The following EML1 variants were observed in gnomAD, a reference collection of about 807,000 sequenced individuals.
EML1 encodes EMAP like 1, also known as echinoderm microtubule-associated protein-like 1.
Under a neutral mutation model 110.4 loss-of-function variants are expected in EML1, and 27 were observed. The ratio of observed to expected loss-of-function variants is 0.24; its 90% CI spans 0.18 to 0.34. EML1 has a LOEUF of 0.34. Ranked by LOEUF, EML1 falls within the 10% of genes least tolerant of loss-of-function variation. The pLI, the probability that EML1 is intolerant of heterozygous loss-of-function variation, is 1.00. For synonymous variants in EML1, 344 were observed against 385.8 expected (o/e 0.89, Z 1.27); for missense variants, 741 against 1,030.9 (o/e 0.72, Z 3.85).
At chr14:99,876,805 T>G (rs191147799) in intron 3 of EML1, among the ~76,000 whole-genome samples, 70 of 152,324 alleles carry the variant, frequency 4.6e-4, no homozygotes, top group African/African-American at 1.7e-3. Context: ...GGTGCTGCAT[T>G]AAAGCAGTTT....
At chr14:99,801,710 C>T (rs1200688227) in intron 1 of EML1, among the ~76,000 whole-genome samples, 3 of 152,148 alleles carry the variant, frequency 2.0e-5, no homozygotes, top group Non-Finnish European at 4.4e-5. Flanking sequence ...GCACCCCAAA[C>T]GTCTCATCAT....
intron 2 of EML1, among the ~76,000 whole-genome samples, chr14:99,860,119 T>C (rs1290217283): frequency 1.3e-5 from 2 of 152,132 alleles, no homozygotes; most frequent in Non-Finnish European, 2.9e-5. Context: ...CCTGGGCACC[T>C]CTTACCCCCA....
chr14:99,777,117 A>T (rs555534599), intron 1 of EML1, among the ~76,000 whole-genome samples: 1 of 152,344 alleles, frequency 6.6e-6, no homozygotes, highest in African/African-American at 2.4e-5. Flanking sequence ...CTCACAGCAA[A>T]TGTTTGTAGA....
intron 1 of EML1, among the ~76,000 whole-genome samples, chr14:99,832,013 C>T (rs750890430): frequency 5.3e-5 from 8 of 151,970 alleles, no homozygotes; most frequent in South Asian, 2.1e-4. Flanking sequence ...GTTCATTGCC[C>T]CTAAAGTTTC....
At chr14:99,909,312 T>A (rs755395426) in intron 10 of EML1, 33 bp from the exon 11 acceptor site, 1 of 1,614,120 alleles carries the variant, frequency 6.2e-7, no homozygotes, top group African/African-American at 1.3e-5. Context: ...TCTTAAGAGA[T>A]GTGAGGCATC....
At chr14:99,744,683 C>A (rs2146237) in intron 1 of EML1, among the ~76,000 whole-genome samples, 1 of 152,226 alleles carries the variant, frequency 6.6e-6, no homozygotes, top group Admixed American at 6.5e-5. Flanking sequence ...AGGGGCAAGA[C>A]TTTTCAAAAC....
At chr14:99,880,167 T>C (rs887342438) in intron 4 of EML1, among the ~76,000 whole-genome samples, 1 of 152,172 alleles carries the variant, frequency 6.6e-6, no homozygotes, top group Non-Finnish European at 1.5e-5. Context: ...TTCTTTGTCT[T>C]GTTAGAACCC....
chr14:99,795,525 A>G (rs1335659756), intron 1 of EML1, among the ~76,000 whole-genome samples: 2 of 152,206 alleles, frequency 1.3e-5, no homozygotes, highest in African/African-American at 4.8e-5. Flanking sequence ...GCAGAAGTCA[A>G]TGTTAACTGG....
At chr14:99,774,687 C>A (rs1208158156) in intron 1 of EML1, among the ~76,000 whole-genome samples, 1 of 152,208 alleles carries the variant, frequency 6.6e-6, no homozygotes, top group East Asian at 1.9e-4. Flanking sequence ...TGGGCGGATG[C>A]CCTGCCTGCT....
chr14:99,848,924 C>G lies in EML1; in HGVS notation c.68-1929C>G, dbSNP rs1220150543. On this transcript the variant is annotated intron_variant, in intron 1 of 21. Coordinates refer to ENST00000262233, the MANE Select transcript of EML1 (RefSeq NM_004434.3). ...GCTGCAGTGAGCTGTGATCACACCA[C>G]TGTACTGCAGCCTGGGCAACGGAGT... 2.0e-5 allele frequency among the ~76,000 whole-genome samples: 3 copies of G among 149,512 alleles called. No individual in the cohort carries two copies. The Admixed American group carries it at 2.0e-4, about 10-fold the overall frequency.
chr14:99,851,639 G>A (rs138343453), intron 2 of EML1, among the ~76,000 whole-genome samples: 1 of 152,312 alleles, frequency 6.6e-6, no homozygotes, highest in East Asian at 1.9e-4. Flanking sequence ...TCTCTGGGAT[G>A]GAGAGAGCTT....
In EML1 at chr14:99,793,519, T is replaced by A. The variant is rs1408837859; in HGVS notation, c.43T>A (p.Ser15Thr). The A allele has an allele frequency of 9.6e-7, 1 of 1,039,234 alleles. No individual in the cohort carries two copies. The highest frequency in any genetic ancestry group is 4.1e-5 in the South Asian group (1 of 24,362). The allele number at this position is 1,039,234 out of a possible 1,614,324, so 64.4% of individuals were successfully genotyped here. A position where few individuals can be genotyped will look rare whatever the true frequency, so the allele number is the denominator to read the frequency against. ...FSSYSSLYDT[S>T]SLLQFCNDDS... is the part of the protein sequence containing the mutation. ...CAGCTACAGCAGCCTGTACGACACG[T>A]CCTCGCTGCTCCAGTTCTGCAACGG... Residue 15 changes from serine (S) to threonine (T), a missense_variant, in exon 1 of 22, where the codon TCC (serine) becomes ACC (threonine). By Grantham distance (58) the Ser-to-Thr change is moderately conservative. Around this residue, in one of 4 missense-constraint regions of EML1, gnomAD observed 226 missense variants for 255.6 expected, o/e 0.88. Coordinates refer to ENST00000262233, the MANE Select transcript of EML1 (RefSeq NM_004434.3).
At chr14:99,927,272 C>T (rs2060251759) in intron 17 of EML1, among the ~76,000 whole-genome samples, 1 of 152,222 alleles carries the variant, frequency 6.6e-6, no homozygotes, top group Admixed American at 6.5e-5. Flanking sequence ...CTCTCTCCCT[C>T]TATTACAGTA....
chr14:99,930,217 T>C (rs766751357), intron 17 of EML1, among the ~76,000 whole-genome samples: 1 of 152,220 alleles, frequency 6.6e-6, no homozygotes, highest in Non-Finnish European at 1.5e-5. Flanking sequence ...AACTGGACAG[T>C]CGAAACTTTA....
chr14:99,783,787 A>T (rs2057569267), intron 1 of EML1, among the ~76,000 whole-genome samples: 1 of 152,214 alleles, frequency 6.6e-6, no homozygotes, highest in Non-Finnish European at 1.5e-5. Flanking sequence ...CTGGCCCCAA[A>T]GGGGTACTAT....
chr14:99,768,773 A>G (rs1023433000), upstream of EML1, among the ~76,000 whole-genome samples: 2 of 148,800 alleles, frequency 1.3e-5, no homozygotes, highest in Admixed American at 1.4e-4. Context: ...GCTGGAGGGC[A>G]GTGGCACAAT....
At chr14:99,782,678 A>T (rs1415966258) in intron 1 of EML1, among the ~76,000 whole-genome samples, 1 of 152,160 alleles carries the variant, frequency 6.6e-6, no homozygotes, top group Non-Finnish European at 1.5e-5. Flanking sequence ...GTATAGCTGG[A>T]GTCCTGGGAC....
intron 17 of EML1, among the ~76,000 whole-genome samples, chr14:99,929,967 G>A (rs1177094999): frequency 6.6e-6 from 1 of 152,152 alleles, no homozygotes. Context: ...CTTTATAGGT[G>A]GAGCTGGCCC....
Position 99,936,221 on chromosome 14 carries a change from A to AT in EML1, c.2008-25dup. The AT allele has an allele frequency of 6.2e-7, 1 of 1,613,596 alleles. No individual in the cohort carries two copies. Among genetic ancestry groups the AT allele is most frequent in the Non-Finnish European group, 8.5e-7 (1 of 1,179,522 alleles). Reference sequence around the variant, plus strand: ...GGCAGGGACTTCTAAGGCCAATGAAATGAAGACAGTGTTTTACCCTCCCAG... The same window carrying AT: ...GGCAGGGACTTCTAAGGCCAATGAAATTGAAGACAGTGTTTTACCCTCCCAG... On this transcript the variant is annotated intron_variant, in intron 18 of 21. Transcript: ENST00000262233. The surrounding 1 kb of genome is among the most constrained non-coding windows in gnomAD (Gnocchi z 5.5).
Sources: allele counts gnomAD v4.1 joint callset (sites outside exome capture counted in the v4.1 genomes callset), GRCh38; gene constraint gnomAD v4.1.1; regional missense constraint gnomAD v4.1.1; non-coding constraint Gnocchi (gnomAD v3.1); transcripts MANE v1.5; gene names NCBI Gene and HGNC (gene_info 2026-07-23, HGNC 2026-07-21).